Variants in SH2D1B observed in about 807,000 individuals in gnomAD.
SH2D1B encodes SH2 domain-containing protein 1B.
A neutral mutation model predicts 16.3 loss-of-function variants in SH2D1B; 11 were observed. The ratio of observed to expected loss-of-function variants is 0.67; its 90% CI spans 0.42 to 1.11. The LOEUF (loss-of-function observed/expected upper bound fraction) is 1.11. Among genes scored for constraint, SH2D1B ranks in the 50% most tolerant of loss-of-function variants. The pLI is 0.00. For missense variants in SH2D1B, 123 were observed against 153.1 expected (o/e 0.80, Z 1.04); for synonymous variants, 55 against 56.1 (o/e 0.98, Z 0.09).
At chr1:162,407,166 C>T (rs1391783715) in intron 1 of SH2D1B, among the ~76,000 whole-genome samples, 1 of 152,138 alleles carries the variant, frequency 6.6e-6, no homozygotes, top group Non-Finnish European at 1.5e-5. Context: ...GGGAACCAGC[C>T]CCCAATATTT....
At chr1:162,403,959 G>A (rs1302662102) in intron 1 of SH2D1B, among the ~76,000 whole-genome samples, 2 of 152,034 alleles carry the variant, frequency 1.3e-5, no homozygotes, top group Admixed American at 1.3e-4. Context: ...GGAGGATTAG[G>A]GAGATATTGG....
At chr1:162,405,492 T>C (rs1479386601) in intron 1 of SH2D1B, among the ~76,000 whole-genome samples, 1 of 152,240 alleles carries the variant, frequency 6.6e-6, no homozygotes, top group East Asian at 1.9e-4. Flanking sequence ...ATCTTTCTAA[T>C]ATATAAACTA....
Position 162,411,943 on chromosome 1 carries a change from T to A in SH2D1B, c.74A>T (p.Asp25Val), listed in dbSNP as rs1557913350. 3.1e-6 allele frequency: 5 copies of A among 1,614,178 alleles called. No homozygotes were observed. Among genetic ancestry groups the A allele is most frequent in the Admixed American group, 1.7e-5 (1 of 60,020 alleles). ...GCTGTCTCTTAAAAGAAAGTTGCCA[T>A]CCACCCCTTCCTTGAGCAGCAAGGT... ...CETLLLKEGV[D>V]GNFLLRDSES... Residue 25 changes from aspartate to valine, a missense_variant, in exon 1 of 4, where the codon GAT (aspartate) becomes GTT (valine). Physicochemically the swap from Asp to Val is radical, Grantham distance 152 (BLOSUM62 -3). Transcript: ENST00000367929.
At chr1:162,397,635 G>A (rs951015053) in intron 3 of SH2D1B, among the ~76,000 whole-genome samples, 3 of 152,180 alleles carry the variant, frequency 2.0e-5, no homozygotes, top group Non-Finnish European at 4.4e-5. Flanking sequence ...AGGTTGATGG[G>A]GAATATTTCC....
At chr1:162,398,724 C>T (rs1424912654) in intron 3 of SH2D1B, among the ~76,000 whole-genome samples, 199 bp downstream of exon 3, 1 of 152,150 alleles carries the variant, frequency 6.6e-6, no homozygotes. Flanking sequence ...TGGCTGCAAA[C>T]GCAGCAAGCT....
rs1157632367 is a variant in SH2D1B at position 162,397,284 on chromosome 1, G to C, written c.395C>G (p.Pro132Arg). The change falls in exon 4 of 4, where the codon CCT becomes CGT. Residue 132 changes from proline (P) to arginine (R), a missense_variant. Coordinates refer to ENST00000367929, the MANE Select transcript of SH2D1B (RefSeq NM_053282.5). Reference protein sequence around the residue: ...NSNSDYVDVLP With the variant: ...NSNSDYVDVLR ...CTTTGTCCGGCAGCCTTATCTTCAA[G>C]GCAAGACATCCACATAATCGCTGTT... 6.2e-7 allele frequency: 1 copy of C among 1,613,696 alleles called. No homozygotes were observed. The highest frequency in any genetic ancestry group is 2.2e-5 in the East Asian group (1 of 44,884).
chr1:162,403,503 AAAAAAAAAATATATATAT>A (rs1188318261), intron 1 of SH2D1B, among the ~76,000 whole-genome samples: 4 of 40,824 alleles, frequency 9.8e-5, no homozygotes, highest in Admixed American at 3.8e-4. Context: ...AAAAAAAAAA[AAAAAAAAAATATATATAT>A]ATATATATAT....
chr1:162,398,834 G>A (rs879943928), intron 3 of SH2D1B, 89 bp downstream of exon 3: 259 of 1,389,108 alleles, frequency 1.9e-4, no homozygotes, highest in Non-Finnish European at 2.4e-4. Context: ...TCACAGAAAA[G>A]AGCATTTGTC....
Position 162,397,186 on chromosome 1 carries a change from G to C in SH2D1B, c.*94C>G. 7.3e-7 allele frequency: 1 copy of C among 1,368,508 alleles called. No homozygotes were observed. Among genetic ancestry groups the C allele is most frequent in the Non-Finnish European group, 1.0e-6 (1 of 960,616 alleles). 84.8% of individuals were successfully genotyped at this position (1,368,508 alleles called of 1,614,324 possible). On this transcript the variant is annotated 3_prime_UTR_variant, in exon 4 of 4. Transcript: ENST00000367929. ...CCAGGAGAGTCTGAATTGTCCACTA[G>C]AGTTTGGTGCTCTGGACCTATGCCT...
intron 2 of SH2D1B, among the ~76,000 whole-genome samples, chr1:162,399,410 C>T (rs1442817535): frequency 6.6e-6 from 1 of 152,198 alleles, no homozygotes; most frequent in Admixed American, 6.5e-5. Flanking sequence ...TAAGGGCTTA[C>T]GTCTGTACCT....
chr1:162,402,229 C>A (rs577552980), intron 2 of SH2D1B, among the ~76,000 whole-genome samples: 9 of 150,582 alleles, frequency 6.0e-5, no homozygotes, highest in Non-Finnish European at 1.3e-4. Context: ...AAAGTAGAAC[C>A]CAGCTGGGTG....
At chr1:162,399,245 C>T (rs1557909673) in intron 2 of SH2D1B, among the ~76,000 whole-genome samples, 158 bp from the exon 3 acceptor site, 1 of 152,166 alleles carries the variant, frequency 6.6e-6, no homozygotes, top group Non-Finnish European at 1.5e-5. Context: ...CACAGAAACT[C>T]TCATTTCTAA....
At position 162,396,731 on chromosome 1, in the gene SH2D1B, G is replaced by A. The variant is rs1648387936; in HGVS notation, c.*549C>T. The A allele has an allele frequency of 1.3e-5, 2 of 154,376 alleles. No individual in the cohort carries two copies. The highest frequency in any genetic ancestry group is 1.3e-4 in the Admixed American group (2 of 15,604). The allele number at this position is 154,376 out of a possible 1,614,324, so 9.6% of individuals were successfully genotyped here. A position where few individuals can be genotyped will look rare whatever the true frequency, so the allele number is the denominator to read the frequency against. ...GCAGGTACAGAGAAGGTGCTGATCTGTATGCATCTCCATCACTCCCGATCC... is the reference window on the plus strand; with the variant it reads ...GCAGGTACAGAGAAGGTGCTGATCTATATGCATCTCCATCACTCCCGATCC... On this transcript the variant is annotated 3_prime_UTR_variant, in exon 4 of 4. Coordinates refer to ENST00000367929, the MANE Select transcript of SH2D1B (RefSeq NM_053282.5).
chr1:162,404,396 T>C (rs1232999096), intron 1 of SH2D1B, among the ~76,000 whole-genome samples: 1 of 152,180 alleles, frequency 6.6e-6, no homozygotes, highest in Non-Finnish European at 1.5e-5. Flanking sequence ...TGAGAGGATA[T>C]TTTAAGTTTT....
intron 3 of SH2D1B, 123 bp from the exon 4 acceptor site, chr1:162,397,438 G>T: frequency 1.0e-6 from 1 of 992,384 alleles, no homozygotes; most frequent in South Asian, 1.4e-5. Context: ...GATGCCACCT[G>T]AAAGTTGTAT....
chr1:162,402,884 C>T (rs1648554326), intron 1 of SH2D1B, 82 bp from the exon 2 acceptor site: 6 of 1,045,166 alleles, frequency 5.7e-6, no homozygotes, highest in Non-Finnish European at 8.8e-6. Context: ...TATGCAATAC[C>T]TTTGTTAATC....
At chr1:162,407,258 A>T (rs1368818582) in intron 1 of SH2D1B, among the ~76,000 whole-genome samples, 2 of 152,194 alleles carry the variant, frequency 1.3e-5, no homozygotes, top group Admixed American at 1.3e-4. Flanking sequence ...GAGAAATTTT[A>T]AAGCTGGGTG....
rs576433091 is a variant in SH2D1B at position 162,397,305 on chromosome 1, C to T, written c.374G>A (p.Ser125Asn). The T allele has an allele frequency of 2.9e-5, 47 of 1,613,764 alleles. No homozygotes were observed. In the South Asian group the frequency reaches 4.7e-4, roughly 16 times the overall value. ...LELETFVNSN[S>N]DYVDVLP ...TCAAGGCAAGACATCCACATAATCGCTGTTACTGTTCTTTGGAGGGAAAAA... is the reference window on the plus strand; with the variant it reads ...TCAAGGCAAGACATCCACATAATCGTTGTTACTGTTCTTTGGAGGGAAAAA... Residue 125 changes from serine (S) to asparagine (N), a missense_variant, in exon 4 of 4, where the codon AGC (serine) becomes AAC (asparagine). Ser to Asn is a conservative substitution (Grantham distance 46). Coordinates refer to ENST00000367929, the MANE Select transcript of SH2D1B (RefSeq NM_053282.5).
chr1:162,400,863 C>T (rs114143508), intron 2 of SH2D1B, among the ~76,000 whole-genome samples: 3,069 of 152,100 alleles, frequency 0.02, 106 homozygotes, highest in African/African-American at 0.068. Flanking sequence ...CCAGGAGAAT[C>T]GCTTGAACCA....
Sources: allele counts gnomAD v4.1 joint callset (sites outside exome capture counted in the v4.1 genomes callset), GRCh38; gene constraint gnomAD v4.1.1; transcripts MANE v1.5; gene names NCBI Gene and HGNC (gene_info 2026-07-23, HGNC 2026-07-21).